DNAJC3: variants seen among roughly 807,000 people sequenced by gnomAD.
DNAJC3 encodes DnaJ heat shock protein family (Hsp40) member C3, also known as dnaJ homolog subfamily C member 3.
In DNAJC3, 38 loss-of-function variants were observed where a neutral mutation model predicts 68.6. The observed-to-expected ratio is 0.55, with a 90% CI of 0.43 to 0.73. The LOEUF (loss-of-function observed/expected upper bound fraction) is 0.73, where lower values mean the gene tolerates loss of function less well. DNAJC3 is among the 30% of genes least tolerant of loss of function. The pLI is 0.00. For synonymous variants in DNAJC3, 203 were observed against 204.0 expected, an observed-to-expected ratio of 1.00 and a Z score of 0.04; for missense variants, 526 against 591.9, an observed-to-expected ratio of 0.89 and a Z score of 1.16.
At chr13:95,723,992 G>A (rs920600680) in intron 3 of DNAJC3, among the ~76,000 whole-genome samples, 1 of 152,044 alleles carries the variant, frequency 6.6e-6, no homozygotes, top group Non-Finnish European at 1.5e-5. Context: ...TCAATTAGAC[G>A]GTTTCAGAAG....
chr13:95,692,117 G>C (rs1006362353), intron 1 of DNAJC3, among the ~76,000 whole-genome samples: 40 of 147,292 alleles, frequency 2.7e-4, no homozygotes, highest in African/African-American at 1.0e-3. Context: ...GAGGGAGACT[G>C]TGGGGAGAGG....
chr13:95,764,546 C>T (rs1029562410), intron 9 of DNAJC3, among the ~76,000 whole-genome samples: 4 of 148,306 alleles, frequency 2.7e-5, no homozygotes, highest in African/African-American at 7.4e-5. Context: ...CAAGAGATTC[C>T]TGCCAGATGT....
intron 2 of DNAJC3, among the ~76,000 whole-genome samples, chr13:95,716,343 T>G (rs1881145359): frequency 6.6e-6 from 1 of 152,142 alleles, no homozygotes; most frequent in Non-Finnish European, 1.5e-5. Context: ...TGGGGAGTGC[T>G]TTTGGGCTCC....
At chr13:95,736,251 A>C (rs1404812038) in intron 4 of DNAJC3, among the ~76,000 whole-genome samples, 2 of 152,172 alleles carry the variant, frequency 1.3e-5, no homozygotes, top group African/African-American at 4.8e-5. Flanking sequence ...GAAGTCAAGT[A>C]GTGTGATGCC....
chr13:95,744,154 A>G (rs757176791), intron 4 of DNAJC3, among the ~76,000 whole-genome samples: 7 of 152,198 alleles, frequency 4.6e-5, no homozygotes, highest in Non-Finnish European at 8.8e-5. Context: ...AGCAATTTTT[A>G]ATTTAATATA....
intron 4 of DNAJC3, among the ~76,000 whole-genome samples, chr13:95,738,159 C>T (rs1460977127): frequency 1.4e-5 from 2 of 147,542 alleles, no homozygotes; most frequent in African/African-American, 2.5e-5. Flanking sequence ...ATCCTGAGTT[C>T]TAGTTTGATT....
intron 9 of DNAJC3, among the ~76,000 whole-genome samples, chr13:95,766,698 A>ATTT (rs777691887): frequency 7.0e-6 from 1 of 143,106 alleles, no homozygotes; most frequent in African/African-American, 2.6e-5. Flanking sequence ...CAGTTATTCT[A>ATTT]TTTTTTTTTT....
At chr13:95,749,084 G>A (rs1237995212) in intron 4 of DNAJC3, among the ~76,000 whole-genome samples, 1 of 152,158 alleles carries the variant, frequency 6.6e-6, no homozygotes, top group Admixed American at 6.5e-5. Context: ...AAGAATAAAT[G>A]CTGCCAATTA....
At chr13:95,743,707 G>A (rs1053809908) in intron 4 of DNAJC3, among the ~76,000 whole-genome samples, 11 of 152,008 alleles carry the variant, frequency 7.2e-5, no homozygotes, top group South Asian at 2.1e-4. Context: ...ATAGGTGCCC[G>A]CTACCACACC....
chr13:95,695,540 G>A (rs1012145258), intron 1 of DNAJC3: 2 of 152,204 alleles, frequency 1.3e-5, no homozygotes, highest in Non-Finnish European at 2.9e-5. Context: ...GTCAATGCCT[G>A]TTCTGAATTT....
chr13:95,736,723 G>C (rs1455816499), intron 4 of DNAJC3, among the ~76,000 whole-genome samples: 4 of 147,982 alleles, frequency 2.7e-5, no homozygotes, highest in Non-Finnish European at 6.0e-5. Context: ...ATTTTGGGCT[G>C]AGACAATGGG....
chr13:95,771,409 G>A (rs1183150772), intron 9 of DNAJC3, among the ~76,000 whole-genome samples: 1 of 152,128 alleles, frequency 6.6e-6, no homozygotes, highest in Non-Finnish European at 1.5e-5. Flanking sequence ...GAGAGAGATT[G>A]GGTTTGACTC....
intron 1 of DNAJC3, among the ~76,000 whole-genome samples, chr13:95,678,582 A>G (rs2139592911): frequency 6.6e-6 from 1 of 152,280 alleles, no homozygotes; most frequent in Admixed American, 6.5e-5. Context: ...TGGGTCATAT[A>G]TTCTAGTTCT....
At chr13:95,690,089 A>G (rs1260221297) in intron 1 of DNAJC3, among the ~76,000 whole-genome samples, 4 of 151,628 alleles carry the variant, frequency 2.6e-5, no homozygotes, top group Admixed American at 1.3e-4. Flanking sequence ...CAGATAAACA[A>G]GTGAACAAAG....
chr13:95,738,348 G>A (rs2139655363), intron 4 of DNAJC3, among the ~76,000 whole-genome samples: 1 of 147,982 alleles, frequency 6.8e-6, no homozygotes, highest in South Asian at 2.2e-4. Flanking sequence ...TCCGCTTGGT[G>A]CAGAGCTGAG....
In DNAJC3 at chr13:95,786,011, C is replaced by A; in HGVS notation, c.1148C>A (p.Ala383Glu). 6.2e-7 allele frequency: 1 copy of A among 1,611,306 alleles called. No homozygotes were observed. The highest frequency in any genetic ancestry group is 2.2e-5 in the East Asian group (1 of 44,636). ...CAGATTCGAGAAGGTCTAGAGAAAG[C>A]ACAAAGATTATTGAAACAGTCGCAG... ...DQQIREGLEK[A>E]QRLLKQSQKR... The change falls in exon 10 of 12, where the codon GCA (alanine) becomes GAA (glutamate). Residue 383 changes from alanine (A) to glutamate (E), a missense_variant. By Grantham distance (107) the Ala-to-Glu change is moderately radical. Coordinates refer to ENST00000602402, the MANE Select transcript of DNAJC3 (RefSeq NM_006260.5).
intron 9 of DNAJC3, among the ~76,000 whole-genome samples, chr13:95,776,006 T>A (rs1039301796): frequency 6.6e-6 from 1 of 151,592 alleles, no homozygotes; most frequent in Admixed American, 6.6e-5. Context: ...TATATATACT[T>A]TTTTTTTCTT....
intron 2 of DNAJC3, among the ~76,000 whole-genome samples, chr13:95,719,112 CACTT>C (rs1218033350): frequency 5.9e-5 from 9 of 152,356 alleles, no homozygotes; most frequent in Admixed American, 3.9e-4. Flanking sequence ...CTCAGGGAAA[CACTT>C]ACGTTTACTG....
chr13:95,732,889 T>A (rs1317594863), intron 4 of DNAJC3, among the ~76,000 whole-genome samples: 1 of 151,124 alleles, frequency 6.6e-6, no homozygotes, highest in South Asian at 2.1e-4. Flanking sequence ...TTCAAAAAAA[T>A]TTTTTTATTT....
Sources: gnomAD v4.1 joint callset for allele counts (sites outside exome capture counted in the v4.1 genomes callset) on GRCh38, gnomAD v4.1.1 for gene constraint, MANE v1.5 for transcripts, NCBI Gene and HGNC (gene_info 2026-07-23, HGNC 2026-07-21) for gene names.